OPCML: variants seen among roughly 807,000 people sequenced by gnomAD.
OPCML encodes opioid binding protein/cell adhesion molecule like.
In OPCML, 13 loss-of-function variants were observed where a neutral mutation model predicts 37.8. The observed-to-expected ratio is 0.34, with a 90% CI of 0.22 to 0.55. OPCML has a LOEUF of 0.55. Ranked by LOEUF, OPCML falls within the 20% of genes least tolerant of loss-of-function variation. OPCML has a pLI of 0.91. For missense variants in OPCML, 341 were observed against 435.6 expected, an observed-to-expected ratio of 0.78 and a Z score of 1.93; for synonymous variants, 176 against 168.8, an observed-to-expected ratio of 1.04 and a Z score of -0.33.
chr11:133,150,704 C>CACCT, intron 1 of OPCML, among the ~76,000 whole-genome samples: 1 of 152,200 alleles, frequency 6.6e-6, no homozygotes, highest in African/African-American at 2.4e-5. Flanking sequence ...CTTACAAAAT[C>CACCT]TTCCTCCTCT....
intron 4 of OPCML, among the ~76,000 whole-genome samples, chr11:132,448,008 G>A (rs1181953667): frequency 1.3e-5 from 2 of 152,244 alleles, no homozygotes; most frequent in African/African-American, 2.4e-5. Flanking sequence ...AAGCCAGCAA[G>A]GGCTCAAGGG....
chr11:132,530,312 A>T (rs1446927411), intron 3 of OPCML, among the ~76,000 whole-genome samples: 1 of 120,750 alleles, frequency 8.3e-6, no homozygotes, highest in African/African-American at 2.5e-5. Flanking sequence ...CTTCAACTTA[A>T]AGGTCAGTAT....
At chr11:132,578,212 C>T (rs2096455086) in intron 3 of OPCML, among the ~76,000 whole-genome samples, 1 of 152,174 alleles carries the variant, frequency 6.6e-6, no homozygotes, top group Non-Finnish European at 1.5e-5. Flanking sequence ...ACTGTGATGT[C>T]TCCTGTGTCT....
chr11:133,059,691 G>A (rs1948304468), intron 1 of OPCML, among the ~76,000 whole-genome samples: 1 of 152,208 alleles, frequency 6.6e-6, no homozygotes, highest in South Asian at 2.1e-4. Flanking sequence ...CAACCAAGTA[G>A]TATGATTGTC....
chr11:133,517,408 T>C (rs1384404515), intron 1 of OPCML, among the ~76,000 whole-genome samples: 1 of 152,240 alleles, frequency 6.6e-6, no homozygotes, highest in East Asian at 1.9e-4. Context: ...AGCCCACTGA[T>C]AGTACAGCGG....
intron 2 of OPCML, among the ~76,000 whole-genome samples, chr11:132,684,391 C>T (rs939853475): frequency 6.6e-6 from 1 of 152,102 alleles, no homozygotes; most frequent in Non-Finnish European, 1.5e-5. Flanking sequence ...GCTAGTTTTG[C>T]TATAAAACTC....
intron 4 of OPCML, among the ~76,000 whole-genome samples, chr11:132,505,503 GGCT>G (rs146932127): frequency 0.17 from 26,368 of 152,006 alleles, 2,442 homozygotes; most frequent in Non-Finnish European, 0.2. Context: ...TTCAGGAAAA[GGCT>G]GCTTAAGGGG....
chr11:133,028,111 A>C (rs1947598078), intron 1 of OPCML, among the ~76,000 whole-genome samples: 1 of 152,010 alleles, frequency 6.6e-6, no homozygotes, highest in African/African-American at 2.4e-5. Flanking sequence ...TCTTTTCTCA[A>C]CCAGTAACCT....
intron 3 of OPCML, among the ~76,000 whole-genome samples, chr11:132,652,349 A>ACACACACAC: frequency 7.0e-6 from 1 of 142,538 alleles, no homozygotes; most frequent in Non-Finnish European, 1.5e-5. Flanking sequence ...AAGAATGACA[A>ACACACACAC]ACACACACAC....
intron 1 of OPCML, among the ~76,000 whole-genome samples, chr11:133,156,192 C>G (rs193289694): frequency 2.6e-5 from 4 of 152,182 alleles, no homozygotes; most frequent in African/African-American, 9.7e-5. Context: ...CATTTTTATA[C>G]GATCCTTATC....
At chr11:133,073,937 T>C (rs1948583769) in intron 1 of OPCML, among the ~76,000 whole-genome samples, 1 of 152,218 alleles carries the variant, frequency 6.6e-6, no homozygotes, top group Non-Finnish European at 1.5e-5. Flanking sequence ...ACAGAAGTGG[T>C]AAATAGCACA....
chr11:132,516,496 C>T (rs1269924280), intron 4 of OPCML, among the ~76,000 whole-genome samples: 1 of 152,094 alleles, frequency 6.6e-6, no homozygotes, highest in African/African-American at 2.4e-5. Flanking sequence ...TTTTTGATCG[C>T]CTGCAAAATG....
At chr11:133,150,686 C>A (rs558990829) in intron 1 of OPCML, among the ~76,000 whole-genome samples, 1 of 152,172 alleles carries the variant, frequency 6.6e-6, no homozygotes, top group Admixed American at 6.5e-5. Context: ...GCAAAGGTGC[C>A]CTGGCATCTT....
intron 1 of OPCML, among the ~76,000 whole-genome samples, chr11:133,122,571 A>C (rs1189914586): frequency 6.6e-6 from 1 of 152,082 alleles, no homozygotes; most frequent in Non-Finnish European, 1.5e-5. Flanking sequence ...ATGGTCTGAC[A>C]GTGGTTCTTC....
At chr11:132,654,160 G>T (rs1468879661) in intron 3 of OPCML, among the ~76,000 whole-genome samples, 1 of 152,174 alleles carries the variant, frequency 6.6e-6, no homozygotes, top group Non-Finnish European at 1.5e-5. Flanking sequence ...GAGTAGTGGG[G>T]TCTCTACATC....
At chr11:132,904,162 C>T (rs1032167931) in intron 2 of OPCML, among the ~76,000 whole-genome samples, 2 of 152,158 alleles carry the variant, frequency 1.3e-5, no homozygotes, top group Non-Finnish European at 2.9e-5. Context: ...AAATCTTGGA[C>T]ACCCTTTTTT....
At chr11:132,545,335 T>C (rs989703570) in intron 3 of OPCML, among the ~76,000 whole-genome samples, 3 of 152,194 alleles carry the variant, frequency 2.0e-5, no homozygotes, top group African/African-American at 7.2e-5. Flanking sequence ...GGTATCAGAG[T>C]ATCTGGGGCA....
intron 1 of OPCML, chr11:133,007,800 C>G: frequency 1.0e-6 from 1 of 985,438 alleles, no homozygotes; most frequent in Non-Finnish European, 1.2e-6. Context: ...TGTATCATAT[C>G]TCCTTGTGGC....
At chr11:133,252,990 A>G (rs1477513803) in intron 1 of OPCML, among the ~76,000 whole-genome samples, 1 of 152,078 alleles carries the variant, frequency 6.6e-6, no homozygotes, top group East Asian at 1.9e-4. Flanking sequence ...TACTAAAAAT[A>G]CAAAAATTAG....
Sources: gnomAD v4.1 joint callset for allele counts (sites outside exome capture counted in the v4.1 genomes callset) on GRCh38, gnomAD v4.1.1 for gene constraint, MANE v1.5 for transcripts, NCBI Gene and HGNC (gene_info 2026-07-23, HGNC 2026-07-21) for gene names.